The following AHDC1 variants were observed in gnomAD, a reference collection of about 807,000 sequenced individuals.
The protein encoded by AHDC1 is transcription factor Gibbin.
Under a neutral mutation model 87.9 loss-of-function variants are expected in AHDC1, and 7 were observed. The ratio of observed to expected loss-of-function variants is 0.08; its 90% CI spans 0.05 to 0.15. AHDC1 has a LOEUF of 0.15. Ranked by LOEUF, AHDC1 falls within the 10% of genes least tolerant of loss-of-function variation. AHDC1 has a pLI of 1.00. For missense variants in AHDC1, 1,841 were observed against 2,253.2 expected, an observed-to-expected ratio of 0.82 and a Z score of 3.70; for synonymous variants, 1,051 against 1,006.8, an observed-to-expected ratio of 1.04 and a Z score of -0.83.
In AHDC1 at chr1:27,560,223, T is replaced by A. The variant is rs2020010890; in HGVS notation, c.-628-1340A>T. Among the ~76,000 whole-genome samples, 1 of 151,776 alleles carries A rather than the reference T, an allele frequency of 6.6e-6. No homozygotes were observed. The highest frequency in any genetic ancestry group is 2.4e-5 in the African/African-American group (1 of 41,260). On this transcript the variant is annotated intron_variant, in intron 3 of 8. Coordinates refer to ENST00000673934, the MANE Select transcript of AHDC1 (RefSeq NM_001371928.1). The surrounding 1 kb of genome is among the most constrained non-coding windows in gnomAD (Gnocchi z 4.1). ...TTTTGTGTGTGTGTGTGTGTGTGTG[T>A]GAGTCTAGCTAAGCCTGTTTGTGTG...
Position 27,550,817 on chromosome 1 carries a change from C to CGGT in AHDC1, c.1296_1298dup (p.Pro438dup). On this transcript the variant is annotated inframe_insertion, in exon 8 of 9. Coordinates refer to ENST00000673934, the MANE Select transcript of AHDC1 (RefSeq NM_001371928.1). ...CTGGCAGGGCAGGGGGTGGAGGAGGCGGTGGTGGTGGGGGTTCGGCCAGGG... is the reference window on the plus strand; with the variant it reads ...CTGGCAGGGCAGGGGGTGGAGGAGGCGGTGGTGGTGGTGGGGGTTCGGCCAGGG... 6.4e-7 allele frequency: 1 copy of CGGT among 1,563,932 alleles called. No individual in the cohort carries two copies. The highest frequency in any genetic ancestry group is 8.7e-7 in the Non-Finnish European group (1 of 1,155,978).
chr1:27,574,927 T>C (rs1300429458), intron 3 of AHDC1, among the ~76,000 whole-genome samples: 1 of 152,212 alleles, frequency 6.6e-6, no homozygotes, highest in Non-Finnish European at 1.5e-5. Flanking sequence ...CTCTGGGGCC[T>C]GCAAGGTGCA....
chr1:27,558,569 T>G lies in AHDC1; in HGVS notation c.-450-39A>C, dbSNP rs983299800. 1.5e-5 allele frequency: 6 copies of G among 395,974 alleles called. No individual in the cohort carries two copies. The South Asian group carries it at 5.7e-4, about 38-fold the overall frequency. The allele number at this position is 395,974 out of a possible 1,614,324, so 24.5% of individuals were successfully genotyped here. ...AGTTTGAGTAAATGTTGGGTTAATA[T>G]GTTTTGATTCTGTAAAGAAGCTCTT... On this transcript the variant is annotated intron_variant, in intron 4 of 8. Coordinates refer to ENST00000673934, the MANE Select transcript of AHDC1 (RefSeq NM_001371928.1). This position sits in a 1 kb window ranked among gnomAD's most constrained non-coding sequence, Gnocchi z 5.6.
intron 3 of AHDC1, among the ~76,000 whole-genome samples, chr1:27,577,498 A>C (rs1253717437): frequency 6.6e-6 from 1 of 151,698 alleles, no homozygotes; most frequent in Non-Finnish European, 1.5e-5. Flanking sequence ...CTAGCCTCAG[A>C]GCCATGGGGG....
In AHDC1 at chr1:27,534,303, A is replaced by C. The variant is rs1329363522; in HGVS notation, c.*657T>G. 1 of 53,956 alleles carries C rather than the reference A, an allele frequency of 1.9e-5. No homozygotes were observed. 3.3% of individuals were successfully genotyped at this position (53,956 alleles called of 1,614,324 possible). ...TTTTTGCTTTTTTTCATTTCTTTTTAATACAAACTTGGATCTTTGGGTGTG... is the reference window on the plus strand; with the variant it reads ...TTTTTGCTTTTTTTCATTTCTTTTTCATACAAACTTGGATCTTTGGGTGTG... On this transcript the variant is annotated 3_prime_UTR_variant, in exon 9 of 9. Transcript: ENST00000673934.
At chr1:27,538,400 C>CAAAAAAAAAAAAAAA (rs370786800) in intron 8 of AHDC1, among the ~76,000 whole-genome samples, 73 of 60,704 alleles carry the variant, frequency 1.2e-3, no homozygotes, top group African/African-American at 3.2e-3. Context: ...AAGACTGTCT[C>CAAAAAAAAAAAAAAA]AAAAAAAAAA....
intron 3 of AHDC1, among the ~76,000 whole-genome samples, chr1:27,591,297 C>A (rs1049288279): frequency 1.3e-5 from 2 of 152,234 alleles, no homozygotes; most frequent in Non-Finnish European, 1.5e-5. Flanking sequence ...GTAGCCTCCC[C>A]GCTCTGGCAC....
intron 8 of AHDC1, among the ~76,000 whole-genome samples, chr1:27,544,577 T>C (rs1224161364): frequency 6.6e-6 from 1 of 152,202 alleles, no homozygotes; most frequent in Non-Finnish European, 1.5e-5. Context: ...CGTGTCCTTG[T>C]CCTCTCTGCT....
chr1:27,550,065 G>A lies in AHDC1; in HGVS notation c.2051C>T (p.Ala684Val), dbSNP rs1159993965. The change falls in exon 8 of 9, where the codon GCC (alanine) becomes GTC (valine). Residue 684 changes from alanine (A) to valine (V), a missense_variant. Ala to Val is a moderately conservative substitution (Grantham distance 64). Coordinates refer to ENST00000673934, the MANE Select transcript of AHDC1 (RefSeq NM_001371928.1). ...GFGGRGGGHAAKSARCSFSDF... is the reference protein window; with the variant it reads ...GFGGRGGGHAVKSARCSFSDF... ...ACTGAAGGAGCATCGGGCTGACTTGGCCGCATGGCCCCCACCCCGGCCACC... is the reference window on the plus strand; with the variant it reads ...ACTGAAGGAGCATCGGGCTGACTTGACCGCATGGCCCCCACCCCGGCCACC... 2 of 1,606,876 alleles carry A rather than the reference G, an allele frequency of 1.2e-6. No homozygotes were observed. The highest frequency in any genetic ancestry group is 1.7e-6 in the Non-Finnish European group (2 of 1,176,210).
chr1:27,539,920 C>T (rs2018828790), intron 8 of AHDC1, among the ~76,000 whole-genome samples: 1 of 152,170 alleles, frequency 6.6e-6, no homozygotes, highest in Non-Finnish European at 1.5e-5. Context: ...CAGAGCCTCA[C>T]ATTCCTTACC....
At chr1:27,572,673 C>T (rs1317764284) in intron 3 of AHDC1, among the ~76,000 whole-genome samples, 1 of 152,210 alleles carries the variant, frequency 6.6e-6, no homozygotes, top group East Asian at 1.9e-4. Flanking sequence ...CAAAACCACG[C>T]AGTGTGGGAC....
chr1:27,548,207 G>A lies in AHDC1; in HGVS notation c.3909C>T (p.Asn1303=). The A allele has an allele frequency of 1.2e-6, 2 of 1,613,672 alleles. No homozygotes were observed. Among genetic ancestry groups the A allele is most frequent in the Non-Finnish European group, 1.7e-6 (2 of 1,180,024 alleles). The change falls in exon 8 of 9, where the codon AAC becomes AAT. Residue 1303 remains asparagine (N), a synonymous_variant. Coordinates refer to ENST00000673934, the MANE Select transcript of AHDC1 (RefSeq NM_001371928.1). ...AKFIPKPQPV[N]PLFQDSPDLG... is the part of the protein sequence containing the mutation. ...GGTCAGGACTGTCCTGGAACAGTGG[G>A]TTGACTGGCTGTGGCTTGGGGATGA...
intron 8 of AHDC1, among the ~76,000 whole-genome samples, chr1:27,546,169 T>G (rs1306965051): frequency 6.6e-6 from 1 of 152,198 alleles, no homozygotes; most frequent in African/African-American, 2.4e-5. Flanking sequence ...ATGCCCCCAG[T>G]CTGCCCCATC....
chr1:27,549,719 C>T lies in AHDC1; in HGVS notation c.2397G>A (p.Arg799=). ...RNCGFQGTEA[R]AFASTGLESG... ...TCTCCAGCCCAGTGGAGGCAAAGGC[C>T]CGGGCCTCGGTCCCCTGAAACCCAC... Residue 799 remains arginine (R), a synonymous_variant, in exon 8 of 9, where the codon CGG becomes CGA. Coordinates refer to ENST00000673934, the MANE Select transcript of AHDC1 (RefSeq NM_001371928.1). The T allele has an allele frequency of 6.2e-7, 1 of 1,612,886 alleles. No homozygotes were observed. Among genetic ancestry groups the T allele is most frequent in the Non-Finnish European group, 8.5e-7 (1 of 1,179,970 alleles).
intron 3 of AHDC1, among the ~76,000 whole-genome samples, chr1:27,586,360 G>A (rs1557701515): frequency 6.6e-6 from 1 of 152,078 alleles, no homozygotes; most frequent in Admixed American, 6.5e-5. Context: ...ACAGGCAGAA[G>A]GGGAGAGGGA....
Position 27,552,136 on chromosome 1 carries a change from G to A in AHDC1, c.-21C>T. 6.9e-7 allele frequency: 1 copy of A among 1,439,080 alleles called. No homozygotes were observed. The allele number at this position is 1,439,080 out of a possible 1,614,324, so 89.1% of individuals were successfully genotyped here. A position where few individuals can be genotyped will look rare whatever the true frequency, so the allele number is the denominator to read the frequency against. ...CGCATCCTGACCTTGTCCTCCGCAG[G>A]CCGCCGGGCGGGGCCGGGGCTGACA... On this transcript the variant is annotated 5_prime_UTR_variant, in exon 8 of 9. Coordinates refer to ENST00000673934, the MANE Select transcript of AHDC1 (RefSeq NM_001371928.1).
intron 3 of AHDC1, among the ~76,000 whole-genome samples, chr1:27,597,166 G>C (rs1010582370): frequency 3.3e-5 from 5 of 152,180 alleles, no homozygotes; most frequent in African/African-American, 9.7e-5. Context: ...AGGTGGCAGG[G>C]GGAGGTTCTG....
chr1:27,578,465 T>G (rs2088819044), intron 3 of AHDC1, among the ~76,000 whole-genome samples: 1 of 151,712 alleles, frequency 6.6e-6, no homozygotes, highest in African/African-American at 2.4e-5. Flanking sequence ...GGTGGGCACC[T>G]GTAATCCCAG....
At chr1:27,583,389 T>C (rs1428199598) in intron 3 of AHDC1, among the ~76,000 whole-genome samples, 3 of 152,204 alleles carry the variant, frequency 2.0e-5, no homozygotes, top group African/African-American at 7.2e-5. Context: ...TACCCATTTC[T>C]CAAGATTCAC....
Sources: allele counts gnomAD v4.1 joint callset (sites outside exome capture counted in the v4.1 genomes callset), GRCh38; gene constraint gnomAD v4.1.1; non-coding constraint Gnocchi (gnomAD v3.1); transcripts MANE v1.5; gene names NCBI Gene and HGNC (gene_info 2026-07-23, HGNC 2026-07-21).